The following PHC2 variants were observed in gnomAD, a reference collection of about 807,000 sequenced individuals.
The protein encoded by PHC2 is polyhomeotic homolog 2.
Under a neutral mutation model 87.4 loss-of-function variants are expected in PHC2, and 29 were observed. That is an observed-to-expected ratio of 0.33 (90% CI 0.25 to 0.45). PHC2 has a LOEUF of 0.45. PHC2 is among the 20% of genes least tolerant of loss of function. The pLI is 1.00. For missense variants in PHC2, 857 were observed against 1,136.7 expected (o/e 0.75, Z 3.54); for synonymous variants, 438 against 461.7 (o/e 0.95, Z 0.66).
At chr1:33,348,061 T>A (rs977223041) in intron 9 of PHC2, among the ~76,000 whole-genome samples, 1 of 152,194 alleles carries the variant, frequency 6.6e-6, no homozygotes, top group African/African-American at 2.4e-5. Context: ...GGGAGCCAAA[T>A]AAAAGTATGT....
chr1:33,329,128 G>C lies in PHC2; in HGVS notation c.2167C>G (p.Leu723Val). 1 of 1,613,678 alleles carries C rather than the reference G, an allele frequency of 6.2e-7. No homozygotes were observed. The highest frequency in any genetic ancestry group is 8.5e-7 in the Non-Finnish European group (1 of 1,179,712). The stretch of plus-strand genomic sequence containing the variant: ...AGCTGCAAAGCAGCAGTAACCGAAA[G>C]GGGCACAGTGCCTGTTGGCTGGGAG... Reference protein sequence around the residue: ...TKKQPTGTVPLSVTAALQLTH... With the variant: ...TKKQPTGTVPVSVTAALQLTH... Residue 723 changes from leucine (L) to valine (V), a missense_variant, in exon 14 of 15, where the codon CTT becomes GTT. Leu to Val is a conservative substitution (Grantham distance 32). Around this residue, in one of 3 missense-constraint regions of PHC2, gnomAD observed 832 missense variants for 1,081.8 expected, o/e 0.77. Coordinates refer to ENST00000683057, the MANE Select transcript of PHC2 (RefSeq NM_001385109.1).
chr1:33,334,093 G>A lies in PHC2; in HGVS notation c.1758C>T (p.Phe586=), dbSNP rs1290795736. The A allele has an allele frequency of 2.5e-6, 4 of 1,601,934 alleles. No individual in the cohort carries two copies. The highest frequency in any genetic ancestry group is 3.4e-6 in the Non-Finnish European group (4 of 1,175,938). ...GFVIQEGAEP[F]PVGRSSLLVG... ...GGGGAAAAGAAGTAGTCCGTACCGG[G>A]AAAGGCTCCGCCCCCTCCTGGATCA... Residue 586 remains phenylalanine, a synonymous_variant, in exon 10 of 15, where the codon TTC becomes TTT. Coordinates refer to ENST00000683057, the MANE Select transcript of PHC2 (RefSeq NM_001385109.1). This position sits in a 1 kb window ranked among gnomAD's most constrained non-coding sequence, Gnocchi z 5.5.
At chr1:33,388,028 G>C (rs1486097621) in intron 1 of PHC2, among the ~76,000 whole-genome samples, 1 of 152,204 alleles carries the variant, frequency 6.6e-6, no homozygotes, top group Non-Finnish European at 1.5e-5. Flanking sequence ...GGTCCTGTTA[G>C]CAATGTTTAC....
chr1:33,355,180 G>A lies in PHC2; in HGVS notation c.1050C>T (p.Ile350=). ...SSKHLQPQFV[I]QQQPQPQQQQ... is the part of the protein sequence containing the mutation. ...GCTGTTGTGGCTGTGGCTGCTGCTG[G>A]ATCACAAATTGGGGCTGCAGGTGCT... is the stretch of plus-strand genomic sequence containing the variant. The change falls in exon 8 of 15, where the codon ATC becomes ATT. Residue 350 remains isoleucine (I), a synonymous_variant. Transcript: ENST00000683057. The A allele has an allele frequency of 6.2e-7, 1 of 1,608,906 alleles. No individual in the cohort carries two copies. Among genetic ancestry groups the A allele is most frequent in the Non-Finnish European group, 8.5e-7 (1 of 1,177,618 alleles).
At chr1:33,372,156 G>T in intron 3 of PHC2, 133 bp downstream of exon 3, 1 of 818,882 alleles carries the variant, frequency 1.2e-6, no homozygotes, top group South Asian at 2.2e-5. Flanking sequence ...AGTAGTGCTC[G>T]TGTCACAAGG....
In PHC2 at chr1:33,349,760, G is replaced by A; in HGVS notation, c.1558+4641C>T. The A allele has an allele frequency of 1.0e-6, 1 of 981,848 alleles. No homozygotes were observed. Among genetic ancestry groups the A allele is most frequent in the Non-Finnish European group, 1.2e-6 (1 of 828,736 alleles). 60.8% of individuals were successfully genotyped at this position (981,848 alleles called of 1,614,324 possible). On this transcript the variant is annotated intron_variant, in intron 9 of 14. Coordinates refer to ENST00000683057, the MANE Select transcript of PHC2 (RefSeq NM_001385109.1). This position sits in a 1 kb window ranked among gnomAD's most constrained non-coding sequence, Gnocchi z 4.2. ...GCGGCGCATCCGACCGCACCGGCCT[G>A]GCCGGCGTCAACAAAGGGCGGCCGG... is the stretch of plus-strand genomic sequence containing the variant.
At position 33,370,550 on chromosome 1, in the gene PHC2, G is replaced by T. The variant is rs374192129; in HGVS notation, c.447C>A (p.Leu149=). ...NLAASPAAAQ[L]LNRAQSVNSA... ...AGTTCACACTCTGGGCCCGGTTGAGGAGCTGGGCTGCTGCTGGGGAGGCTG... is the reference window on the plus strand; with the variant it reads ...AGTTCACACTCTGGGCCCGGTTGAGTAGCTGGGCTGCTGCTGGGGAGGCTG... Residue 149 remains leucine (L), a synonymous_variant, in exon 5 of 15, where the codon CTC becomes CTA. Transcript: ENST00000683057. 239 of 1,613,788 alleles carry T rather than the reference G, an allele frequency of 1.5e-4. No homozygotes were observed. The highest frequency in any genetic ancestry group is 2.0e-4 in the Non-Finnish European group (232 of 1,179,806).
At chr1:33,393,465 T>TTG (rs960397609) in intron 1 of PHC2, among the ~76,000 whole-genome samples, 2 of 148,576 alleles carry the variant, frequency 1.3e-5, no homozygotes, top group African/African-American at 2.5e-5. Flanking sequence ...TTCAAGAGGT[T>TTG]TTTTTTTTTT....
Position 33,324,204 on chromosome 1 carries a change from T to C in PHC2, c.*661A>G, listed in dbSNP as rs578130146. Reference sequence around the variant, plus strand: ...CAGGACAAAGCACTAAGTGGCTGTTTGCTACAAAACACCTGGAGATGCCAG... The same window carrying C: ...CAGGACAAAGCACTAAGTGGCTGTTCGCTACAAAACACCTGGAGATGCCAG... On this transcript the variant is annotated 3_prime_UTR_variant, in exon 15 of 15. Coordinates refer to ENST00000683057, the MANE Select transcript of PHC2 (RefSeq NM_001385109.1). 1.3e-5 allele frequency: 2 copies of C among 152,970 alleles called. No individual in the cohort carries two copies. The highest frequency in any genetic ancestry group is 1.9e-4 in the East Asian group (1 of 5,198). The allele number at this position is 152,970 out of a possible 1,614,324, so 9.5% of individuals were successfully genotyped here.
Position 33,361,211 on chromosome 1 carries a change from G to C in PHC2, c.976+5905C>G, listed in dbSNP as rs546259055. On this transcript the variant is annotated intron_variant, in intron 7 of 14. Coordinates refer to ENST00000683057, the MANE Select transcript of PHC2 (RefSeq NM_001385109.1). ...GAGCAGTCAGGTGCAGTGGGCAGTG[G>C]GGGGAGGGTCTTTAAGGTCCCCCAT... is the stretch of plus-strand genomic sequence containing the variant. Among the ~76,000 whole-genome samples, 3 of 152,304 alleles carry C rather than the reference G, an allele frequency of 2.0e-5. No individual in the cohort carries two copies. In the South Asian group the frequency reaches 6.2e-4, roughly 32 times the overall value.
At position 33,377,253 on chromosome 1, in the gene PHC2, A is replaced by G. The variant is rs575886357; in HGVS notation, c.-54-1660T>C. Among the ~76,000 whole-genome samples the G allele has an allele frequency of 7.2e-5, 11 of 152,352 alleles. No individual in the cohort carries two copies. In the South Asian group the frequency reaches 2.3e-3, roughly 32 times the overall value. On this transcript the variant is annotated intron_variant, in intron 1 of 14. Coordinates refer to ENST00000683057, the MANE Select transcript of PHC2 (RefSeq NM_001385109.1). Reference sequence around the variant, plus strand: ...GATGAAAGGTGCTCAGCAGAGTGCCAAGCATATCCTGTGTGCTCTGTAAGC... The same window carrying G: ...GATGAAAGGTGCTCAGCAGAGTGCCGAGCATATCCTGTGTGCTCTGTAAGC...
intron 9 of PHC2, chr1:33,346,973 G>T: frequency 1.0e-6 from 1 of 985,374 alleles, no homozygotes; most frequent in African/African-American, 1.7e-5. Context: ...CAAGGCCAGA[G>T]GTAAGAAGAG....
chr1:33,355,294 T>C, intron 7 of PHC2, 41 bp from the exon 8 acceptor site: 1 of 1,501,054 alleles, frequency 6.7e-7, no homozygotes, highest in Non-Finnish European at 8.9e-7. Flanking sequence ...TGGCTTGACC[T>C]TCTCTTCTGC....
Position 33,375,566 on chromosome 1 carries a change from G to A in PHC2, c.-27C>T, listed in dbSNP as rs764029847. 20 of 1,460,676 alleles carry A rather than the reference G, an allele frequency of 1.4e-5. No homozygotes were observed. Among genetic ancestry groups the A allele is most frequent in the Admixed American group, 2.3e-5 (1 of 43,418 alleles). 90.5% of individuals were successfully genotyped at this position (1,460,676 alleles called of 1,614,324 possible). ...GCCTGCAGTGTGGCGCAGTCAGGGC[G>A]CTCGGATGGCAGAAGGGCAGGCAGA... On this transcript the variant is annotated 5_prime_UTR_variant, in exon 2 of 15. Transcript: ENST00000683057.
chr1:33,429,817 T>C (rs1478939615), intron 1 of PHC2, among the ~76,000 whole-genome samples: 2 of 152,266 alleles, frequency 1.3e-5, no homozygotes, highest in Non-Finnish European at 2.9e-5. Flanking sequence ...AATTGGTTTC[T>C]GGTACTTTTC....
chr1:33,375,415 C>T lies in PHC2; in HGVS notation c.125G>A (p.Gly42Glu), dbSNP rs1201299776. Reference sequence around the variant, plus strand: ...ACCACTGTACACAGAAATCTGGGGCCCGGTGGGGCGGCCACTTCCACCACT... The same window carrying T: ...ACCACTGTACACAGAAATCTGGGGCTCGGTGGGGCGGCCACTTCCACCACT... ...SSSGGSGRPT[G>E]PQISVYSGIP... The change falls in exon 2 of 15, where the codon GGG (glycine) becomes GAG (glutamate). Residue 42 changes from glycine to glutamate, a missense_variant. Coordinates refer to ENST00000683057, the MANE Select transcript of PHC2 (RefSeq NM_001385109.1). 6.2e-7 allele frequency: 1 copy of T among 1,611,436 alleles called. No homozygotes were observed. The highest frequency in any genetic ancestry group is 2.2e-5 in the East Asian group (1 of 44,630).
At chr1:33,333,462 T>C (rs1374619512) in intron 10 of PHC2, 1 of 155,066 alleles carries the variant, frequency 6.4e-6, no homozygotes, top group Non-Finnish European at 1.4e-5. Flanking sequence ...CAGTGCACAC[T>C]GCACAGAAGC....
At chr1:33,387,299 T>G (rs1275392213) in intron 1 of PHC2, among the ~76,000 whole-genome samples, 1 of 152,194 alleles carries the variant, frequency 6.6e-6, no homozygotes, top group African/African-American at 2.4e-5. Context: ...TGTGAAGATC[T>G]GAGCATGCTC....
At chr1:33,399,330 C>T (rs1436419669) in intron 1 of PHC2, among the ~76,000 whole-genome samples, 1 of 145,810 alleles carries the variant, frequency 6.9e-6, no homozygotes, top group East Asian at 2.0e-4. Context: ...TTACTTTGGA[C>T]ACTGAGCTCA....
Sources: allele counts gnomAD v4.1 joint callset (sites outside exome capture counted in the v4.1 genomes callset), GRCh38; gene constraint gnomAD v4.1.1; regional missense constraint gnomAD v4.1.1; non-coding constraint Gnocchi (gnomAD v3.1); transcripts MANE v1.5; gene names NCBI Gene and HGNC (gene_info 2026-07-23, HGNC 2026-07-21).